The following CPM variants were observed in gnomAD, a reference collection of about 807,000 sequenced individuals.
The protein encoded by CPM is renal carboxypeptidase.
In CPM, 35 loss-of-function variants were observed where a neutral mutation model predicts 46.4. The observed-to-expected ratio is 0.75, with a 90% CI of 0.58 to 1.00. The LOEUF is 1.00. CPM is among the 50% of genes least tolerant of loss of function. The pLI is 0.00. For synonymous variants in CPM, 195 were observed against 195.3 expected, an observed-to-expected ratio of 1.00 and a Z score of 0.01; for missense variants, 422 against 530.4, an observed-to-expected ratio of 0.80 and a Z score of 2.01.
intron 1 of CPM, among the ~76,000 whole-genome samples, chr12:68,940,691 A>G (rs1254153669): frequency 6.6e-6 from 1 of 151,690 alleles, no homozygotes; most frequent in African/African-American, 2.4e-5. Context: ...TCCAAATGAG[A>G]AGGGCACTGA....
intron 1 of CPM, among the ~76,000 whole-genome samples, chr12:68,938,256 A>G (rs1485187997): frequency 6.6e-6 from 1 of 152,126 alleles, no homozygotes; most frequent in East Asian, 1.9e-4. Context: ...CCATTCTTAA[A>G]ACACATTTAG....
intron 3 of CPM, among the ~76,000 whole-genome samples, chr12:68,884,964 G>T (rs1886366457): frequency 6.6e-6 from 1 of 152,192 alleles, no homozygotes; most frequent in Non-Finnish European, 1.5e-5. Flanking sequence ...TGTTTTTTTA[G>T]ATGGAGTCTC....
chr12:68,922,994 C>T (rs1012965313), intron 2 of CPM, among the ~76,000 whole-genome samples: 1 of 152,026 alleles, frequency 6.6e-6, no homozygotes, highest in Non-Finnish European at 1.5e-5. Context: ...CAGGTGCGAT[C>T]ATAGTGCAGT....
At chr12:68,951,420 G>A (rs79115088) in intron 1 of CPM, among the ~76,000 whole-genome samples, 1 of 152,094 alleles carries the variant, frequency 6.6e-6, no homozygotes, top group Non-Finnish European at 1.5e-5. Flanking sequence ...TTCCTACAAG[G>A]AAAAGAAGGA....
chr12:68,857,052 A>G (rs1885007445), intron 8 of CPM, among the ~76,000 whole-genome samples: 2 of 152,170 alleles, frequency 1.3e-5, no homozygotes, highest in African/African-American at 2.4e-5. Flanking sequence ...TCCTCCTTGG[A>G]TATCAAGATT....
downstream of CPM, chr12:68,849,394 T>C (rs1884548373): frequency 8.0e-6 from 1 of 124,604 alleles, no homozygotes; most frequent in Admixed American, 8.2e-5. Context: ...CTGGCCGTTT[T>C]TTTTTTTGTT....
intron 2 of CPM, among the ~76,000 whole-genome samples, chr12:68,926,080 C>T (rs1275510357): frequency 3.3e-5 from 5 of 151,998 alleles, no homozygotes; most frequent in Non-Finnish European, 5.9e-5. Flanking sequence ...CCATGCGCAG[C>T]TAATTTTTTG....
intron 3 of CPM, among the ~76,000 whole-genome samples, chr12:68,873,978 A>G (rs1592648294): frequency 6.6e-6 from 1 of 151,718 alleles, no homozygotes; most frequent in Non-Finnish European, 1.5e-5. Flanking sequence ...GCTAATTTTG[A>G]TATTTTTAGT....
At chr12:68,897,597 C>T (rs955190031) in intron 2 of CPM, among the ~76,000 whole-genome samples, 1 of 151,902 alleles carries the variant, frequency 6.6e-6, no homozygotes, top group Non-Finnish European at 1.5e-5. Context: ...ATTAGCCGGG[C>T]GTGGTGGTGT....
At chr12:68,891,206 A>C (rs1886641751) in intron 2 of CPM, among the ~76,000 whole-genome samples, 1 of 152,252 alleles carries the variant, frequency 6.6e-6, no homozygotes, top group African/African-American at 2.4e-5. Flanking sequence ...ACTATACCCC[A>C]CACACAAGAA....
In CPM at chr12:68,842,231, T is replaced by C. The variant is rs1169665407; in HGVS notation, c.*36A>G. On this transcript the variant is annotated 3_prime_UTR_variant, in exon 6 of 6. Transcript: ENST00000551897. Reference sequence around the variant, plus strand: ...TCAAACAAATGCCAAGCTATATTTATAATGAACAAATTCAAGAAAAAGGAC... The same window carrying C: ...TCAAACAAATGCCAAGCTATATTTACAATGAACAAATTCAAGAAAAAGGAC... 8.0e-6 allele frequency: 4 copies of C among 498,626 alleles called. No individual in the cohort carries two copies. In the Admixed American group the frequency reaches 9.2e-5, roughly 11 times the overall value. The allele number at this position is 498,626 out of a possible 1,614,324, so 30.9% of individuals were successfully genotyped here.
chr12:68,895,551 C>A lies in CPM; in HGVS notation c.161-9662G>T, dbSNP rs1312531941. Among the ~76,000 whole-genome samples the A allele has an allele frequency of 1.3e-5, 2 of 152,320 alleles. 1 individual carries two copies. Among genetic ancestry groups the A allele is most frequent in the South Asian group, 4.1e-4 (2 of 4,830 alleles). On this transcript the variant is annotated intron_variant, in intron 2 of 8. Transcript: ENST00000551568. ...TTTTCATATGACACTGCTTCCATAA[C>A]CAACCCAAACCAAAATGACTTTCCC...
intron 2 of CPM, among the ~76,000 whole-genome samples, chr12:68,924,841 C>T (rs1003794602): frequency 1.3e-5 from 2 of 152,140 alleles, no homozygotes; most frequent in East Asian, 1.9e-4. Flanking sequence ...GGTAAATCAC[C>T]GGCTAAAATC....
intron 2 of CPM, among the ~76,000 whole-genome samples, chr12:68,925,483 G>C (rs2647952): frequency 6.6e-6 from 1 of 152,182 alleles, no homozygotes; most frequent in African/African-American, 2.4e-5. Context: ...TCATAACAGC[G>C]AAAGTTTAGA....
At chr12:68,951,029 A>G (rs961228618) in intron 1 of CPM, among the ~76,000 whole-genome samples, 1 of 152,210 alleles carries the variant, frequency 6.6e-6, no homozygotes, top group Non-Finnish European at 1.5e-5. Flanking sequence ...ATTAGTCTAT[A>G]TCACTCCTAG....
intron 5 of CPM, chr12:68,845,000 T>A (rs1884154771): frequency 1.5e-5 from 3 of 195,452 alleles, no homozygotes; most frequent in Middle Eastern, 3.6e-3. Flanking sequence ...ACTCCTGACC[T>A]CAAGTGATCT....
At chr12:68,925,843 T>C (rs929581031) in intron 2 of CPM, among the ~76,000 whole-genome samples, 4 of 152,244 alleles carry the variant, frequency 2.6e-5, no homozygotes, top group African/African-American at 9.6e-5. Context: ...GCAAGTCATA[T>C]ATATAATTTT....
chr12:68,925,484 A>G (rs923193978), intron 2 of CPM, among the ~76,000 whole-genome samples: 3 of 152,238 alleles, frequency 2.0e-5, no homozygotes, highest in African/African-American at 7.2e-5. Context: ...CATAACAGCG[A>G]AAGTTTAGAA....
intron 2 of CPM, among the ~76,000 whole-genome samples, chr12:68,894,201 A>G (rs1393777026): frequency 2.0e-5 from 3 of 152,234 alleles, no homozygotes; most frequent in South Asian, 2.1e-4. Context: ...GTTTATCTAT[A>G]TACTATCTGT....
Sources: gnomAD v4.1 joint callset for allele counts (sites outside exome capture counted in the v4.1 genomes callset) on GRCh38, gnomAD v4.1.1 for gene constraint, MANE v1.5 for transcripts, NCBI Gene and HGNC (gene_info 2026-07-23, HGNC 2026-07-21) for gene names.